The following MAST4 variants were observed in gnomAD, a reference collection of about 807,000 sequenced individuals.
The protein encoded by MAST4 is microtubule associated serine/threonine kinase family member 4, also known as microtubule-associated serine/threonine-protein kinase 4.
MAST4 carries 89 observed loss-of-function variants against 162.7 expected under a neutral mutation model. The ratio of observed to expected loss-of-function variants is 0.55; its 90% CI spans 0.46 to 0.65. The LOEUF is 0.65. MAST4 is among the 30% of genes least tolerant of loss of function. MAST4 has a pLI of 0.00. For synonymous variants in MAST4, 1,479 were observed against 1,361.1 expected (o/e 1.09, Z -1.91); for missense variants, 3,153 against 3,374.0 (o/e 0.93, Z 1.62).
At chr5:67,082,199 A>AGT (rs1762742151) in intron 5 of MAST4, among the ~76,000 whole-genome samples, 1 of 133,050 alleles carries the variant, frequency 7.5e-6, no homozygotes, top group African/African-American at 2.9e-5. Context: ...GTCAGGCTGG[A>AGT]GTGCAGTGGC....
At chr5:67,057,882 T>C (rs152539) in intron 5 of MAST4, among the ~76,000 whole-genome samples, 20,308 of 149,242 alleles carry the variant, frequency 0.14, 1,448 homozygotes, top group Middle Eastern at 0.23. Context: ...AAGGTGCAAA[T>C]AGCATGACAT....
At chr5:66,979,441 T>C (rs946962946) in intron 4 of MAST4, among the ~76,000 whole-genome samples, 4 of 152,148 alleles carry the variant, frequency 2.6e-5, no homozygotes, top group Non-Finnish European at 5.9e-5. Context: ...CTGAGATTTC[T>C]TGAGTTCAGT....
chr5:66,882,994 C>T (rs890609805), intron 3 of MAST4, among the ~76,000 whole-genome samples: 7 of 152,170 alleles, frequency 4.6e-5, no homozygotes, highest in Admixed American at 3.3e-4. Flanking sequence ...GACCATTGCT[C>T]TCACTCCTAC....
intron 4 of MAST4, among the ~76,000 whole-genome samples, chr5:66,991,779 G>A (rs1050183126): frequency 5.1e-4 from 78 of 152,336 alleles, no homozygotes; most frequent in African/African-American, 1.8e-3. Context: ...GATGTTAAAT[G>A]TGGTTATGTT....
At chr5:66,760,637 G>A (rs1753804231) in intron 2 of MAST4, among the ~76,000 whole-genome samples, 1 of 152,178 alleles carries the variant, frequency 6.6e-6, no homozygotes, top group Non-Finnish European at 1.5e-5. Flanking sequence ...ATTAATGGAA[G>A]CAGAGTATCT....
chr5:66,627,270 A>C (rs150168645), intron 1 of MAST4, among the ~76,000 whole-genome samples: 1 of 152,326 alleles, frequency 6.6e-6, no homozygotes, highest in East Asian at 1.9e-4. Flanking sequence ...GAAAGGCAGC[A>C]TGGGGATAAC....
intron 4 of MAST4, among the ~76,000 whole-genome samples, chr5:66,987,888 T>C (rs954868283): frequency 6.6e-6 from 1 of 152,216 alleles, no homozygotes; most frequent in African/African-American, 2.4e-5. Context: ...AGTTAGGACA[T>C]GGAAGTGTGA....
chr5:66,974,446 G>A (rs1747865718), intron 4 of MAST4, among the ~76,000 whole-genome samples: 1 of 152,140 alleles, frequency 6.6e-6, no homozygotes, highest in African/African-American at 2.4e-5. Context: ...GACTGCAAGG[G>A]GTTTACAGAT....
At chr5:66,685,125 G>C (rs140061924) in intron 1 of MAST4, among the ~76,000 whole-genome samples, 2 of 151,960 alleles carry the variant, frequency 1.3e-5, no homozygotes, top group African/African-American at 4.8e-5. Context: ...AGCTAGGCGC[G>C]GTGGTGCACA....
chr5:66,962,796 A>C (rs1746174232), intron 4 of MAST4, among the ~76,000 whole-genome samples: 1 of 152,244 alleles, frequency 6.6e-6, no homozygotes, highest in Non-Finnish European at 1.5e-5. Context: ...TGGGGCAAGA[A>C]TACCTACAGA....
intron 3 of MAST4, among the ~76,000 whole-genome samples, chr5:66,837,884 ATATATATATATT>A (rs1397381163): frequency 3.6e-3 from 281 of 77,378 alleles, no homozygotes; most frequent in African/African-American, 0.015. Context: ...ATATATATAT[ATATATATATATT>A]TTTTTTTTTT....
At chr5:66,939,148 T>C (rs1743092647) in intron 4 of MAST4, among the ~76,000 whole-genome samples, 1 of 152,060 alleles carries the variant, frequency 6.6e-6, no homozygotes, top group South Asian at 2.1e-4. Flanking sequence ...GAAAAACAGA[T>C]GGAAATTTGG....
chr5:67,047,404 G>A (rs1265673715), intron 4 of MAST4, among the ~76,000 whole-genome samples: 1 of 152,086 alleles, frequency 6.6e-6, no homozygotes, highest in East Asian at 1.9e-4. Flanking sequence ...GAACACTCTG[G>A]CCTCAGGGCC....
chr5:66,760,571 C>A (rs1753800626), intron 2 of MAST4, among the ~76,000 whole-genome samples: 1 of 152,150 alleles, frequency 6.6e-6, no homozygotes, highest in Non-Finnish European at 1.5e-5. Flanking sequence ...TGGCCCTAGG[C>A]AGCCATAGAT....
chr5:67,106,016 A>G (rs1765557404), intron 10 of MAST4, among the ~76,000 whole-genome samples: 1 of 152,178 alleles, frequency 6.6e-6, no homozygotes, highest in African/African-American at 2.4e-5. Context: ...ATATTACTGT[A>G]TTCAGCAGTG....
At chr5:66,818,353 A>G (rs1756828349) in intron 3 of MAST4, among the ~76,000 whole-genome samples, 2 of 152,172 alleles carry the variant, frequency 1.3e-5, no homozygotes. Flanking sequence ...CTTGACCCCA[A>G]GAATCACATG....
chr5:67,099,927 T>C (rs1051667472), intron 7 of MAST4, among the ~76,000 whole-genome samples: 5 of 152,188 alleles, frequency 3.3e-5, no homozygotes, highest in Admixed American at 6.5e-5. Flanking sequence ...AAAAGGATCT[T>C]CTTTAATCCC....
At chr5:66,932,722 T>A (rs1742315506) in intron 4 of MAST4, among the ~76,000 whole-genome samples, 1 of 152,212 alleles carries the variant, frequency 6.6e-6, no homozygotes, top group South Asian at 2.1e-4. Context: ...TCAGAGCATG[T>A]CTGCAATCTT....
chr5:67,118,894 G>A, intron 13 of MAST4, 145 bp downstream of exon 13: 1 of 583,706 alleles, frequency 1.7e-6, no homozygotes, highest in Non-Finnish European at 3.1e-6. Flanking sequence ...GATCTATGAA[G>A]AAAAAAGACC....
Sources: allele counts gnomAD v4.1 joint callset (sites outside exome capture counted in the v4.1 genomes callset), GRCh38; gene constraint gnomAD v4.1.1; transcripts MANE v1.5; gene names NCBI Gene and HGNC (gene_info 2026-07-23, HGNC 2026-07-21).